The following MAD1L1 variants were observed in gnomAD, a reference collection of about 807,000 sequenced individuals.
MAD1L1 encodes mitotic spindle assembly checkpoint protein MAD1.
A neutral mutation model predicts 96.9 loss-of-function variants in MAD1L1; 95 were observed. The ratio of observed to expected loss-of-function variants is 0.98; its 90% confidence interval spans 0.83 to 1.16. The LOEUF (loss-of-function observed/expected upper bound fraction) is 1.16. MAD1L1 is among the 50% of genes most tolerant of loss of function. MAD1L1 has a pLI of 0.00. For synonymous variants in MAD1L1, 473 were observed against 396.6 expected (o/e 1.19, Z -2.29); for missense variants, 1,007 against 954.4 (o/e 1.06, Z -0.73).
intron 10 of MAD1L1, among the ~76,000 whole-genome samples, chr7:2,212,135 G>A (rs1040956334): frequency 3.3e-5 from 5 of 152,250 alleles, no homozygotes; most frequent in African/African-American, 1.2e-4. Flanking sequence ...GGGGCCAACT[G>A]AGCGGCTGCT....
chr7:2,010,101 T>C (rs1054050365), intron 13 of MAD1L1, among the ~76,000 whole-genome samples: 2 of 140,246 alleles, frequency 1.4e-5, no homozygotes, highest in Non-Finnish European at 3.1e-5. Flanking sequence ...TTTGGCTTTA[T>C]CTCTGCTTCG....
intron 13 of MAD1L1, among the ~76,000 whole-genome samples, chr7:2,008,210 A>G (rs871924): frequency 0.37 from 56,596 of 152,194 alleles, 10,951 homozygotes; most frequent in East Asian, 0.6. Context: ...GAGCTGGCAC[A>G]GCCCGTGTGT....
intron 15 of MAD1L1, among the ~76,000 whole-genome samples, chr7:1,975,770 C>T (rs1484809248): frequency 6.6e-6 from 1 of 152,098 alleles, no homozygotes; most frequent in Admixed American, 6.5e-5. Flanking sequence ...TGGGTCACCT[C>T]TCGTCCCCTG....
intron 12 of MAD1L1, among the ~76,000 whole-genome samples, chr7:2,042,641 G>T (rs541220129): frequency 1.3e-5 from 2 of 152,202 alleles, no homozygotes; most frequent in East Asian, 1.9e-4. Context: ...GAGCCATCCC[G>T]AGTGAGGAGT....
chr7:1,835,670 A>G (rs1782906221), intron 18 of MAD1L1, among the ~76,000 whole-genome samples: 1 of 152,186 alleles, frequency 6.6e-6, no homozygotes, highest in African/African-American at 2.4e-5. Flanking sequence ...CACACAAGAA[A>G]GAATTTGAGG....
intron 12 of MAD1L1, among the ~76,000 whole-genome samples, chr7:2,049,173 G>C (rs957742582): frequency 1.3e-5 from 2 of 152,242 alleles, no homozygotes; most frequent in Non-Finnish European, 2.9e-5. Context: ...TTCCAGAGAG[G>C]AAGCAAAGGC....
At chr7:1,866,729 A>G (rs1341448756) in intron 18 of MAD1L1, among the ~76,000 whole-genome samples, 3 of 152,116 alleles carry the variant, frequency 2.0e-5, no homozygotes, top group Non-Finnish European at 2.9e-5. Context: ...ACATCGTGAA[A>G]ACCAACTAGA....
intron 13 of MAD1L1, among the ~76,000 whole-genome samples, chr7:2,005,944 C>A (rs1782011704): frequency 1.3e-5 from 2 of 152,136 alleles, no homozygotes; most frequent in Admixed American, 1.3e-4. Flanking sequence ...AGCAGAGCAG[C>A]CACCAGACAG....
chr7:2,231,971 T>G (rs1022759453), intron 1 of MAD1L1, among the ~76,000 whole-genome samples: 1 of 152,004 alleles, frequency 6.6e-6, no homozygotes, highest in African/African-American at 2.4e-5. Context: ...CTCAACAGGG[T>G]GGTGAATTAG....
At chr7:1,896,231 GC>G (rs1027333817) in intron 18 of MAD1L1, among the ~76,000 whole-genome samples, 1 of 152,250 alleles carries the variant, frequency 6.6e-6, no homozygotes, top group African/African-American at 2.4e-5. Context: ...TCCTGCCCAG[GC>G]CATGGGGGCT....
intron 10 of MAD1L1, among the ~76,000 whole-genome samples, chr7:2,167,226 G>A (rs904276010): frequency 2.0e-5 from 3 of 152,182 alleles, no homozygotes; most frequent in African/African-American, 7.2e-5. Context: ...GAGATAACAG[G>A]TGACATTCCT....
At chr7:2,115,109 G>A (rs187719068) in intron 11 of MAD1L1, among the ~76,000 whole-genome samples, 60 of 152,332 alleles carry the variant, frequency 3.9e-4, no homozygotes, top group African/African-American at 1.2e-3. Context: ...CCCAGAAGCC[G>A]GGGCCCACCA....
At position 1,869,891 on chromosome 7, in the gene MAD1L1, G is replaced by A. The variant is rs200691395; in HGVS notation, c.1998+28309C>T. On this transcript the variant is annotated intron_variant, in intron 18 of 18. Coordinates refer to ENST00000265854, the MANE Select transcript of MAD1L1 (RefSeq NM_001013836.2). ...AGCTGCTGACGGAGGACCCAGGCTC[G>A]TCCCACAAGGCAGGCTGTGAGCCCA... 7.9e-5 allele frequency among the ~76,000 whole-genome samples: 12 copies of A among 152,294 alleles called. No individual in the cohort carries two copies. In the South Asian group the frequency reaches 1.2e-3, roughly 16 times the overall value.
At chr7:2,128,514 C>A (rs1164782036) in intron 11 of MAD1L1, among the ~76,000 whole-genome samples, 3 of 152,346 alleles carry the variant, frequency 2.0e-5, no homozygotes, top group South Asian at 4.1e-4. Context: ...GGCCAGGTGA[C>A]CTGCCCTGCC....
At chr7:2,004,206 G>A (rs1781928752) in intron 13 of MAD1L1, among the ~76,000 whole-genome samples, 1 of 152,168 alleles carries the variant, frequency 6.6e-6, no homozygotes, top group Non-Finnish European at 1.5e-5. Context: ...ACGACAACAA[G>A]GCTCTGAGGT....
chr7:2,087,686 C>A (rs1229140331), intron 11 of MAD1L1, among the ~76,000 whole-genome samples: 2 of 152,180 alleles, frequency 1.3e-5, no homozygotes, highest in East Asian at 1.9e-4. Context: ...CTGTGCCGAT[C>A]GCAAAGGAAC....
intron 11 of MAD1L1, among the ~76,000 whole-genome samples, chr7:2,081,425 G>A (rs1000655897): frequency 3.9e-5 from 6 of 152,328 alleles, no homozygotes; most frequent in South Asian, 2.1e-4. Flanking sequence ...TTTCCAGAAC[G>A]CCATCGTGCG....
At chr7:1,911,429 G>A (rs1240305753) in intron 17 of MAD1L1, among the ~76,000 whole-genome samples, 3 of 152,144 alleles carry the variant, frequency 2.0e-5, no homozygotes, top group Non-Finnish European at 4.4e-5. Flanking sequence ...GAAGGGAAGC[G>A]CCATTGCCCA....
At chr7:2,069,021 C>G (rs1480129436) in intron 12 of MAD1L1, among the ~76,000 whole-genome samples, 173 bp downstream of exon 12, 1 of 152,192 alleles carries the variant, frequency 6.6e-6, no homozygotes, top group Non-Finnish European at 1.5e-5. Flanking sequence ...ACAGGGAGCA[C>G]CGGGGCTGAG....
Sources: gnomAD v4.1 joint callset for allele counts (sites outside exome capture counted in the v4.1 genomes callset) on GRCh38, gnomAD v4.1.1 for gene constraint, MANE v1.5 for transcripts, NCBI Gene and HGNC (gene_info 2026-07-23, HGNC 2026-07-21) for gene names.